CTSS: variants seen among roughly 807,000 people sequenced by gnomAD.
The protein encoded by CTSS is cathepsin S.
CTSS carries 15 observed loss-of-function variants against 39.9 expected under a neutral mutation model. That is an observed-to-expected ratio of 0.38 (90% CI 0.25 to 0.58). CTSS has a LOEUF of 0.58. Among genes scored for constraint, CTSS ranks in the 20% least tolerant of loss-of-function variants. The probability of loss-of-function intolerance (pLI) is 0.70; values close to 1 mark genes in which losing one functional copy is unlikely to be tolerated. For missense variants in CTSS, 250 were observed against 398.2 expected (o/e 0.63, Z 3.17); for synonymous variants, 126 against 138.2 (o/e 0.91, Z 0.62).
At chr1:150,734,866 G>C (rs984671321) in intron 7 of CTSS, among the ~76,000 whole-genome samples, 1 of 152,038 alleles carries the variant, frequency 6.6e-6, no homozygotes, top group African/African-American at 2.4e-5. Context: ...CCTTGTAAGA[G>C]GAATGATTTC....
At chr1:150,760,134 A>G (rs1467359494) in intron 2 of CTSS, among the ~76,000 whole-genome samples, 2 of 152,200 alleles carry the variant, frequency 1.3e-5, no homozygotes, top group East Asian at 3.8e-4. Context: ...AAACAGAGGG[A>G]TAGCATTCAT....
intron 7 of CTSS, among the ~76,000 whole-genome samples, chr1:150,738,836 C>G (rs1212124425): frequency 6.6e-6 from 1 of 152,126 alleles, no homozygotes; most frequent in Admixed American, 6.6e-5. Flanking sequence ...TCCCCCATCT[C>G]TCTCTCTCTC....
chr1:150,733,955 GGACTTA>G (rs1464643294), intron 7 of CTSS, among the ~76,000 whole-genome samples: 2 of 152,058 alleles, frequency 1.3e-5, no homozygotes, highest in Admixed American at 1.3e-4. Context: ...TTGATTTAAT[GGACTTA>G]GAGGAGTTCA....
At chr1:150,751,502 C>A (rs1653006154) in intron 5 of CTSS, among the ~76,000 whole-genome samples, 1 of 152,146 alleles carries the variant, frequency 6.6e-6, no homozygotes, top group South Asian at 2.1e-4. Context: ...CCCACCTCGG[C>A]CTTCCAAAGT....
intron 4 of CTSS, 91 bp downstream of exon 4, chr1:150,754,910 G>A (rs1653085444): frequency 7.6e-7 from 1 of 1,317,486 alleles, no homozygotes; most frequent in South Asian, 1.5e-5. Context: ...TAACACGTGG[G>A]ACTGTAAGAT....
chr1:150,747,981 G>A (rs1652922942), intron 6 of CTSS, 102 bp from the exon 7 acceptor site: 2 of 771,170 alleles, frequency 2.6e-6, no homozygotes, highest in Non-Finnish European at 4.3e-6. Flanking sequence ...TGGATACATA[G>A]CAAGGTTAAT....
intron 7 of CTSS, 53 bp downstream of exon 7, chr1:150,747,724 G>T: frequency 2.5e-6 from 3 of 1,191,888 alleles, no homozygotes; most frequent in South Asian, 2.5e-5. Context: ...AGTATTTGCT[G>T]AAACTCCCTC....
At chr1:150,757,487 C>T (rs960997409) in intron 3 of CTSS, among the ~76,000 whole-genome samples, 2 of 152,164 alleles carry the variant, frequency 1.3e-5, no homozygotes, top group Non-Finnish European at 2.9e-5. Context: ...CCCACATTCT[C>T]CCATTAAGAA....
At chr1:150,737,325 C>T (rs1652657834) in intron 7 of CTSS, among the ~76,000 whole-genome samples, 1 of 152,158 alleles carries the variant, frequency 6.6e-6, no homozygotes, top group South Asian at 2.1e-4. Context: ...TGGTCTCGAA[C>T]TCCCAACCTC....
At chr1:150,754,270 C>T (rs1004590543) in intron 4 of CTSS, among the ~76,000 whole-genome samples, 4 of 144,742 alleles carry the variant, frequency 2.8e-5, no homozygotes, top group African/African-American at 5.1e-5. Flanking sequence ...CCCACCACCA[C>T]GCCAGGCTAA....
At chr1:150,751,754 A>G in intron 5 of CTSS, 27 bp downstream of exon 5, 1 of 1,599,914 alleles carries the variant, frequency 6.3e-7, no homozygotes, top group Non-Finnish European at 8.6e-7. Flanking sequence ...ATCATGGGGC[A>G]GCACAAAAAG....
At chr1:150,752,809 T>C (rs2101921122) in intron 4 of CTSS, among the ~76,000 whole-genome samples, 1 of 152,066 alleles carries the variant, frequency 6.6e-6, no homozygotes, top group South Asian at 2.1e-4. Flanking sequence ...GAAAGAAAAA[T>C]ATGTAGGTGG....
At chr1:150,749,567 GCCTCA>G (rs1652963136) in intron 6 of CTSS, among the ~76,000 whole-genome samples, 3 of 55,964 alleles carry the variant, frequency 5.4e-5, no homozygotes, top group Non-Finnish European at 1.1e-4. Context: ...ACCCCGCCCC[GCCTCA>G]CCCCGCCCCG....
chr1:150,734,439 G>T (rs1364250874), intron 7 of CTSS, among the ~76,000 whole-genome samples: 1 of 151,842 alleles, frequency 6.6e-6, no homozygotes, highest in Non-Finnish European at 1.5e-5. Flanking sequence ...TCAGGAGTTC[G>T]AGACCAGCCT....
chr1:150,742,110 G>A (rs1571094721), intron 7 of CTSS, among the ~76,000 whole-genome samples: 1 of 151,744 alleles, frequency 6.6e-6, no homozygotes, highest in Non-Finnish European at 1.5e-5. Flanking sequence ...TACAAAAATT[G>A]GCTGGGCATG....
chr1:150,764,612 A>G (rs200747061), intron 2 of CTSS, 26 bp downstream of exon 2: 30 of 1,613,504 alleles, frequency 1.9e-5, no homozygotes, highest in African/African-American at 6.7e-5. Flanking sequence ...TTAAAAGCAT[A>G]TCGCTCGAGT....
At chr1:150,763,619 AAG>A (rs893112889) in intron 2 of CTSS, among the ~76,000 whole-genome samples, 3 of 152,118 alleles carry the variant, frequency 2.0e-5, no homozygotes, top group African/African-American at 7.2e-5. Flanking sequence ...TGTATGACCT[AAG>A]AGTGTCATTT....
In CTSS at chr1:150,749,415, A is replaced by G. The variant is rs189262671; in HGVS notation, c.793+591T>C. ...AGATACAAGAGTAAGCCAGCCCAGC[A>G]TGCCTTTACGCCAAAACCTAATCCA... On this transcript the variant is annotated intron_variant, in intron 6 of 7. Coordinates refer to ENST00000368985, the MANE Select transcript of CTSS (RefSeq NM_004079.5). 1.4e-3 allele frequency among the ~76,000 whole-genome samples: 218 copies of G among 152,340 alleles called. 1 individual carries two copies. Among genetic ancestry groups the G allele is most frequent in the African/African-American group, 4.8e-3 (200 of 41,572 alleles).
At position 150,730,738 on chromosome 1, in the gene CTSS, G is replaced by A. The variant is rs903163660; in HGVS notation, c.*2308C>T. The A allele has an allele frequency of 2.0e-5, 3 of 152,072 alleles. No individual in the cohort carries two copies. The highest frequency in any genetic ancestry group is 2.9e-5 in the Non-Finnish European group (2 of 68,032). 9.4% of individuals were successfully genotyped at this position (152,072 alleles called of 1,614,324 possible). A position where few individuals can be genotyped will look rare whatever the true frequency, so the allele number is the denominator to read the frequency against. On this transcript the variant is annotated 3_prime_UTR_variant, in exon 8 of 8. Coordinates refer to ENST00000368985, the MANE Select transcript of CTSS (RefSeq NM_004079.5). ...TAGTTCATAAACCACGGTAATATTA[G>A]CAATACTTCATCATCAAAAGAAAAA... is the stretch of plus-strand genomic sequence containing the variant.
Sources: gnomAD v4.1 joint callset for allele counts (sites outside exome capture counted in the v4.1 genomes callset) on GRCh38, gnomAD v4.1.1 for gene constraint, MANE v1.5 for transcripts, NCBI Gene and HGNC (gene_info 2026-07-23, HGNC 2026-07-21) for gene names.